The following MAML2 variants were observed in gnomAD, a reference collection of about 807,000 sequenced individuals.
The protein encoded by MAML2 is mastermind-like protein 2.
A neutral mutation model predicts 96.1 loss-of-function variants in MAML2; 22 were observed. That is an observed-to-expected ratio of 0.23 (90% confidence interval 0.16 to 0.33). MAML2 has a LOEUF of 0.33. Ranked by LOEUF, MAML2 falls within the 10% of genes least tolerant of loss-of-function variation. The pLI is 1.00. For synonymous variants in MAML2, 561 were observed against 521.3 expected, an observed-to-expected ratio of 1.08 and a Z score of -1.04; for missense variants, 1,367 against 1,392.4, an observed-to-expected ratio of 0.98 and a Z score of 0.29.
chr11:96,113,132 G>A (rs922778420), intron 1 of MAML2, among the ~76,000 whole-genome samples: 2 of 149,670 alleles, frequency 1.3e-5, no homozygotes, highest in Non-Finnish European at 3.0e-5. Context: ...GGAGGAAGAG[G>A]AGGAGGAAAA....
chr11:96,159,485 T>TC (rs1861069613), intron 1 of MAML2, among the ~76,000 whole-genome samples: 1 of 61,216 alleles, frequency 1.6e-5, no homozygotes, highest in African/African-American at 4.6e-5. Context: ...CGATCTCGGC[T>TC]GCGAGCCGAG....
chr11:96,030,572 T>C (rs897379210), intron 2 of MAML2, among the ~76,000 whole-genome samples: 2 of 152,218 alleles, frequency 1.3e-5, no homozygotes, highest in African/African-American at 4.8e-5. Flanking sequence ...CTTTACACCA[T>C]GGCATCCCCA....
chr11:96,127,341 T>G (rs1488911999), intron 1 of MAML2, among the ~76,000 whole-genome samples: 2 of 152,200 alleles, frequency 1.3e-5, no homozygotes, highest in East Asian at 3.9e-4. Flanking sequence ...TAAAAAGGAT[T>G]GATAGGCTGA....
chr11:96,079,346 A>G (rs1233563249), intron 2 of MAML2, among the ~76,000 whole-genome samples: 1 of 152,208 alleles, frequency 6.6e-6, no homozygotes, highest in East Asian at 1.9e-4. Context: ...CAGAAAAATA[A>G]CAATTATCTG....
intron 1 of MAML2, among the ~76,000 whole-genome samples, chr11:96,264,114 T>G (rs1168396118): frequency 6.6e-6 from 1 of 152,190 alleles, no homozygotes; most frequent in Non-Finnish European, 1.5e-5. Context: ...TGTTCTACAT[T>G]TACCCACAAT....
chr11:96,191,424 C>T (rs1861651314), intron 1 of MAML2, among the ~76,000 whole-genome samples: 1 of 150,702 alleles, frequency 6.6e-6, no homozygotes, highest in African/African-American at 2.4e-5. Context: ...GAGACCACAC[C>T]ACTGCACTCC....
chr11:96,089,836 T>C (rs1461005996), intron 2 of MAML2, among the ~76,000 whole-genome samples: 2 of 151,742 alleles, frequency 1.3e-5, no homozygotes, highest in Non-Finnish European at 2.9e-5. Context: ...CTGCCACATT[T>C]CCACCACTTT....
chr11:96,122,413 G>T (rs943934654), intron 1 of MAML2, among the ~76,000 whole-genome samples: 5 of 151,924 alleles, frequency 3.3e-5, no homozygotes, highest in Non-Finnish European at 7.4e-5. Flanking sequence ...GTTCTGTGGA[G>T]CAGTCATAAA....
intron 2 of MAML2, among the ~76,000 whole-genome samples, chr11:96,078,307 G>A (rs1322854235): frequency 6.6e-6 from 1 of 152,056 alleles, no homozygotes; most frequent in Non-Finnish European, 1.5e-5. Context: ...ATAGTACACT[G>A]TGTTATCATG....
intron 2 of MAML2, among the ~76,000 whole-genome samples, chr11:95,997,881 G>T (rs1858017295): frequency 6.6e-6 from 1 of 151,998 alleles, no homozygotes; most frequent in African/African-American, 2.4e-5. Context: ...TTTACTCTGA[G>T]AATGTTTTAA....
At chr11:96,207,572 C>T (rs138186701) in intron 1 of MAML2, among the ~76,000 whole-genome samples, 291 of 152,348 alleles carry the variant, frequency 1.9e-3, no homozygotes, top group African/African-American at 6.0e-3. Context: ...CCCTCTGCTG[C>T]TCTGCCTGTG....
At chr11:96,301,268 A>C (rs1863382981) in intron 1 of MAML2, among the ~76,000 whole-genome samples, 1 of 152,222 alleles carries the variant, frequency 6.6e-6, no homozygotes, top group Non-Finnish European at 1.5e-5. Context: ...TCTGCATTTT[A>C]GCCCAGTTTT....
At chr11:96,083,018 A>G (rs1368926862) in intron 2 of MAML2, among the ~76,000 whole-genome samples, 1 of 152,218 alleles carries the variant, frequency 6.6e-6, no homozygotes, top group African/African-American at 2.4e-5. Context: ...GTAAGATACA[A>G]TGATTGATGG....
intron 1 of MAML2, among the ~76,000 whole-genome samples, chr11:96,220,205 G>A (rs941855196): frequency 6.6e-6 from 1 of 152,256 alleles, no homozygotes; most frequent in African/African-American, 2.4e-5. Context: ...GGGGGTGGGG[G>A]AACACTGCCT....
At chr11:96,011,797 A>T (rs915739385) in intron 2 of MAML2, among the ~76,000 whole-genome samples, 1 of 152,208 alleles carries the variant, frequency 6.6e-6, no homozygotes, top group Non-Finnish European at 1.5e-5. Flanking sequence ...TTTTTTTCTT[A>T]GCCTTTAGGA....
chr11:95,995,027 T>C (rs920314396), intron 2 of MAML2, among the ~76,000 whole-genome samples: 4 of 152,102 alleles, frequency 2.6e-5, no homozygotes, highest in African/African-American at 9.7e-5. Context: ...CCTACAAGAG[T>C]TAGGGGAGAT....
chr11:96,326,094 GCCC>G (rs113693304), intron 1 of MAML2, among the ~76,000 whole-genome samples: 3 of 61,890 alleles, frequency 4.8e-5, no homozygotes, highest in Non-Finnish European at 6.7e-5. Flanking sequence ...TGTCTACCCC[GCCC>G]CCCCCCCATT....
chr11:96,184,810 C>T (rs1017528432), intron 1 of MAML2, among the ~76,000 whole-genome samples: 13 of 151,968 alleles, frequency 8.6e-5, no homozygotes, highest in African/African-American at 3.1e-4. Context: ...AGGATGTTCT[C>T]GACCTCCTGA....
At chr11:96,119,085 G>T (rs947601239) in intron 1 of MAML2, among the ~76,000 whole-genome samples, 28 of 152,012 alleles carry the variant, frequency 1.8e-4, no homozygotes, top group Admixed American at 6.5e-4. Flanking sequence ...CTGTGAGGTG[G>T]GTCAGGAAAA....
Sources: gnomAD v4.1 joint callset for allele counts (sites outside exome capture counted in the v4.1 genomes callset) on GRCh38, gnomAD v4.1.1 for gene constraint, MANE v1.5 for transcripts, NCBI Gene and HGNC (gene_info 2026-07-23, HGNC 2026-07-21) for gene names.